The following HSPA12B variants were observed in gnomAD, a reference collection of about 807,000 sequenced individuals.
The protein encoded by HSPA12B is heat shock protein family A (Hsp70) member 12B, also known as heat shock 70 kDa protein 12B.
In HSPA12B, 54 loss-of-function variants were observed where a neutral mutation model predicts 69.3. The observed-to-expected ratio is 0.78, with a 90% CI of 0.63 to 0.98. HSPA12B has a LOEUF of 0.98. Ranked by LOEUF, HSPA12B falls within the 50% of genes least tolerant of loss-of-function variation. HSPA12B has a pLI of 0.00. For synonymous variants in HSPA12B, 441 were observed against 436.5 expected (o/e 1.01, Z -0.13); for missense variants, 929 against 999.8 (o/e 0.93, Z 0.96).
chr20:3,752,419 G>A lies in HSPA12B; in HGVS notation c.*253G>A. On this transcript the variant is annotated 3_prime_UTR_variant, in exon 13 of 13. Transcript: ENST00000254963. The stretch of plus-strand genomic sequence containing the variant: ...GCCAAGGACTGAACGGGTAAGAGAA[G>A]AGGTTTGCAAGACAGAGCGCGCAGC... 1 of 416,876 alleles carries A rather than the reference G, an allele frequency of 2.4e-6. No homozygotes were observed. The highest frequency in any genetic ancestry group is 4.2e-6 in the Non-Finnish European group (1 of 237,220). 25.8% of individuals were successfully genotyped at this position (416,876 alleles called of 1,614,324 possible). A position where few individuals can be genotyped will look rare whatever the true frequency, so the allele number is the denominator to read the frequency against.
intron 7 of HSPA12B, 21 bp downstream of exon 7, chr20:3,746,052 C>T: frequency 6.3e-7 from 1 of 1,578,140 alleles, no homozygotes; most frequent in Non-Finnish European, 8.7e-7. Context: ...GCAGGCGGGC[C>T]CGAGAACACT....
In HSPA12B at chr20:3,749,319, G is replaced by A; in HGVS notation, c.937+1G>A. ...GAGCTGTGGGCAGAGATGCAAGCAG[G>A]TAGGGGGAAAGGGGGACGGAGTGTT... On this transcript the variant is annotated splice_donor_variant, in intron 9 of 12. Coordinates refer to ENST00000254963, the MANE Select transcript of HSPA12B (RefSeq NM_052970.5). LOFTEE classifies it high-confidence loss of function. This position sits in a 1 kb window ranked among gnomAD's most constrained non-coding sequence, Gnocchi z 5.5. The A allele has an allele frequency of 6.2e-7, 1 of 1,612,840 alleles. No homozygotes were observed. Among genetic ancestry groups the A allele is most frequent in the South Asian group, 1.1e-5 (1 of 90,882 alleles).
chr20:3,740,718 C>A lies in HSPA12B; in HGVS notation c.44-97C>A. 1.1e-6 allele frequency: 1 copy of A among 930,326 alleles called. No homozygotes were observed. Among genetic ancestry groups the A allele is most frequent in the Non-Finnish European group, 1.7e-6 (1 of 586,236 alleles). The allele number at this position is 930,326 out of a possible 1,614,324, so 57.6% of individuals were successfully genotyped here. On this transcript the variant is annotated intron_variant, in intron 2 of 12. Coordinates refer to ENST00000254963, the MANE Select transcript of HSPA12B (RefSeq NM_052970.5). The surrounding 1 kb of genome is among the most constrained non-coding windows in gnomAD (Gnocchi z 4.9). Reference sequence around the variant, plus strand: ...CAGAGAGCCCTTTGCCTTAGCCCAGCAAGGACTGATGGAGAACCTTTGGGT... The same window carrying A: ...CAGAGAGCCCTTTGCCTTAGCCCAGAAAGGACTGATGGAGAACCTTTGGGT...
chr20:3,734,532 G>GC (rs1012859727), intron 1 of HSPA12B, among the ~76,000 whole-genome samples: 7 of 152,174 alleles, frequency 4.6e-5, no homozygotes, highest in African/African-American at 1.7e-4. Context: ...AAATTAGTAG[G>GC]CCCCTGAAGC....
chr20:3,747,830 C>G (rs1389695602), intron 7 of HSPA12B, among the ~76,000 whole-genome samples: 2 of 152,254 alleles, frequency 1.3e-5, no homozygotes, highest in African/African-American at 4.8e-5. Context: ...CCACATTGTG[C>G]TAGAGTCTCT....
At chr20:3,733,864 A>G (rs560661094) in intron 1 of HSPA12B, among the ~76,000 whole-genome samples, 1 of 152,180 alleles carries the variant, frequency 6.6e-6, no homozygotes. Context: ...GGGGAGCTGG[A>G]ATGACCTGGG....
intron 3 of HSPA12B, among the ~76,000 whole-genome samples, chr20:3,742,083 A>G (rs2088211803): frequency 1.3e-5 from 2 of 151,930 alleles, no homozygotes; most frequent in South Asian, 4.2e-4. Context: ...TACCTGAGAG[A>G]CACGTCCAAG....
rs376719767 is a variant in HSPA12B at position 3,749,211 on chromosome 20, C to A, written c.851-21C>A. On this transcript the variant is annotated intron_variant, in intron 8 of 12. Coordinates refer to ENST00000254963, the MANE Select transcript of HSPA12B (RefSeq NM_052970.5). The surrounding 1 kb of genome is among the most constrained non-coding windows in gnomAD (Gnocchi z 5.5). ...GAGCACCTCCTTCTAATCTCACTCCCTGCTGTCTCCTGACCCCCAGCTCGG... is the reference window on the plus strand; with the variant it reads ...GAGCACCTCCTTCTAATCTCACTCCATGCTGTCTCCTGACCCCCAGCTCGG... 60 of 1,606,562 alleles carry A rather than the reference C, an allele frequency of 3.7e-5. No homozygotes were observed. The African/African-American group carries it at 6.8e-4, about 18-fold the overall frequency.
At chr20:3,750,413 C>T (rs1481595137) in intron 11 of HSPA12B, among the ~76,000 whole-genome samples, 186 bp downstream of exon 11, 2 of 152,178 alleles carry the variant, frequency 1.3e-5, no homozygotes, top group African/African-American at 4.8e-5. Context: ...CAGCAGGCTC[C>T]ACCCACGGAA....
intron 2 of HSPA12B, among the ~76,000 whole-genome samples, chr20:3,739,893 C>T (rs1400445180): frequency 2.6e-5 from 4 of 152,208 alleles, no homozygotes; most frequent in Non-Finnish European, 5.9e-5. Flanking sequence ...TAGCCAGCCT[C>T]CCTGGCCTGT....
In HSPA12B at chr20:3,746,013, G is replaced by T. The variant is rs201399630; in HGVS notation, c.657G>T (p.Met219Ile). The T allele has an allele frequency of 5.4e-5, 87 of 1,613,798 alleles. No homozygotes were observed. In the East Asian group the frequency reaches 1.8e-3, roughly 33 times the overall value. ...GGAAACAGCCAGCCAAGCAGTTCAT[G>T]CGGGAGGCTGCCTACCTGGTGAGGA... is the stretch of plus-strand genomic sequence containing the variant. ...AIWKQPAKQF[M>I]REAAYLAGLV... Residue 219 changes from methionine to isoleucine, a missense_variant, in exon 7 of 13, where the codon ATG becomes ATT. Physicochemically the swap from Met to Ile is conservative, Grantham distance 10. Transcript: ENST00000254963.
intron 2 of HSPA12B, among the ~76,000 whole-genome samples, chr20:3,739,760 G>C (rs1392261908): frequency 1.3e-5 from 2 of 152,200 alleles, no homozygotes; most frequent in Admixed American, 1.3e-4. Context: ...GTGGAGACCT[G>C]CCTGGCAGCA....
At position 3,749,266 on chromosome 20, in the gene HSPA12B, C is replaced by G. The variant is rs1182915243; in HGVS notation, c.885C>G (p.Arg295=). The G allele has an allele frequency of 6.2e-7, 1 of 1,613,772 alleles. No homozygotes were observed. The highest frequency in any genetic ancestry group is 1.7e-5 in the Admixed American group (1 of 59,948). Residue 295 remains arginine (R), a synonymous_variant, in exon 9 of 13, where the codon CGC becomes CGG. Coordinates refer to ENST00000254963, the MANE Select transcript of HSPA12B (RefSeq NM_052970.5). The surrounding 1 kb of genome is among the most constrained non-coding windows in gnomAD (Gnocchi z 5.5). ...AGCTGCGAAGGTCCCGCCACAGCCG[C>G]ACGTTCCTGGTGGAGTCAGGCGTAG... is the stretch of plus-strand genomic sequence containing the variant. ...REQLRRSRHS[R]TFLVESGVGE... is the part of the protein sequence containing the mutation.
chr20:3,752,130 C>T lies in HSPA12B; in HGVS notation c.2025C>T (p.Arg675=), dbSNP rs746752985. The T allele has an allele frequency of 4.0e-6, 6 of 1,482,546 alleles. No homozygotes were observed. The highest frequency in any genetic ancestry group is 2.5e-5 in the East Asian group (1 of 40,518). The allele number at this position is 1,482,546 out of a possible 1,614,324, so 91.8% of individuals were successfully genotyped here. Residue 675 remains arginine (R), a synonymous_variant, in exon 13 of 13, where the codon CGC becomes CGT. Transcript: ENST00000254963. ...CCGCCGTCGACGTCAGCACCAATCGCTCCGTGCGCGCGTCCATCGACTTTC... is the reference window on the plus strand; with the variant it reads ...CCGCCGTCGACGTCAGCACCAATCGTTCCGTGCGCGCGTCCATCGACTTTC... ...KVTAVDVSTN[R]SVRASIDFLS...
intron 2 of HSPA12B, 34 bp downstream of exon 2, chr20:3,738,751 A>G: frequency 6.2e-7 from 1 of 1,612,986 alleles, no homozygotes; most frequent in Non-Finnish European, 8.5e-7. Flanking sequence ...CTGACCCATC[A>G]CCCACTCACC....
At chr20:3,735,297 C>T (rs971968994) in intron 1 of HSPA12B, among the ~76,000 whole-genome samples, 2 of 152,156 alleles carry the variant, frequency 1.3e-5, no homozygotes, top group African/African-American at 2.4e-5. Flanking sequence ...GATGCACTCA[C>T]GCTAGGTGCC....
In HSPA12B at chr20:3,745,956, T is replaced by G. The variant is rs924783475; in HGVS notation, c.600T>G (p.Thr200=). The part of the protein sequence containing the change: ...EQSPSLPEKD[T]VRWVLTVPAI... ...GCCCATCGCTGCCAGAGAAGGACAC[T>G]GTGCGCTGGGTGTTGACGGTGCCTG... Residue 200 remains threonine, a synonymous_variant, in exon 7 of 13, where the codon ACT becomes ACG. Transcript: ENST00000254963. The surrounding 1 kb of genome is among the most constrained non-coding windows in gnomAD (Gnocchi z 5.6). The G allele has an allele frequency of 3.7e-6, 6 of 1,614,080 alleles. No homozygotes were observed. Among genetic ancestry groups the G allele is most frequent in the Non-Finnish European group, 4.2e-6 (5 of 1,180,004 alleles).
chr20:3,742,800 C>T (rs920773598), intron 4 of HSPA12B, among the ~76,000 whole-genome samples: 3 of 151,508 alleles, frequency 2.0e-5, no homozygotes. Flanking sequence ...CGGGTTCAAG[C>T]GATTCTCCTG....
intron 1 of HSPA12B, among the ~76,000 whole-genome samples, chr20:3,734,557 C>T (rs2088078509): frequency 6.6e-6 from 1 of 152,180 alleles, no homozygotes; most frequent in African/African-American, 2.4e-5. Context: ...CTCAGCCTCC[C>T]CTCATTTTCA....
Sources: gnomAD v4.1 joint callset for allele counts (sites outside exome capture counted in the v4.1 genomes callset) on GRCh38, gnomAD v4.1.1 for gene constraint, Gnocchi (gnomAD v3.1) non-coding constraint, MANE v1.5 for transcripts, NCBI Gene and HGNC (gene_info 2026-07-23, HGNC 2026-07-21) for gene names.